The following HIVEP2 variants were observed in gnomAD, a reference collection of about 807,000 sequenced individuals.
The protein encoded by HIVEP2 is transcription factor HIVEP2.
A neutral mutation model predicts 180.7 loss-of-function variants in HIVEP2; 14 were observed. That is an observed-to-expected ratio of 0.08 (90% CI 0.05 to 0.12). HIVEP2 has a LOEUF of 0.12. Ranked by LOEUF, HIVEP2 falls within the 10% of genes least tolerant of loss-of-function variation. HIVEP2 has a pLI of 1.00. For synonymous variants in HIVEP2, 1,184 were observed against 1,136.4 expected, an observed-to-expected ratio of 1.04 and a Z score of -0.84; for missense variants, 2,579 against 3,008.5, an observed-to-expected ratio of 0.86 and a Z score of 3.34.
At chr6:142,893,669 A>C (rs1776914061) in intron 1 of HIVEP2, among the ~76,000 whole-genome samples, 1 of 152,236 alleles carries the variant, frequency 6.6e-6, no homozygotes, top group African/African-American at 2.4e-5. Flanking sequence ...AATGGCATGA[A>C]GAGCAGTGGG....
At chr6:142,778,411 C>T (rs1242151487) in intron 3 of HIVEP2, among the ~76,000 whole-genome samples, 1 of 152,070 alleles carries the variant, frequency 6.6e-6, no homozygotes, top group African/African-American at 2.4e-5. Context: ...TAAATAAATA[C>T]CCTCTAAAAT....
chr6:142,841,571 AT>A (rs1775365529), intron 1 of HIVEP2, among the ~76,000 whole-genome samples: 1 of 152,114 alleles, frequency 6.6e-6, no homozygotes, highest in South Asian at 2.1e-4. Context: ...GCATGAGTAT[AT>A]GTGGGAAATT....
intron 1 of HIVEP2, among the ~76,000 whole-genome samples, chr6:142,882,735 T>G (rs911672674): frequency 6.6e-6 from 1 of 152,152 alleles, no homozygotes; most frequent in Non-Finnish European, 1.5e-5. Context: ...ATTAGGAATC[T>G]TCCTAATTTT....
At chr6:142,816,520 G>A (rs1182343827) in intron 2 of HIVEP2, among the ~76,000 whole-genome samples, 1 of 152,060 alleles carries the variant, frequency 6.6e-6, no homozygotes, top group Non-Finnish European at 1.5e-5. Context: ...TTCTGAAGTC[G>A]CTTTGGATTT....
intron 2 of HIVEP2, among the ~76,000 whole-genome samples, chr6:142,792,737 T>TAATA (rs1170313818): frequency 6.6e-6 from 1 of 151,716 alleles, no homozygotes; most frequent in Non-Finnish European, 1.5e-5. Context: ...AAAATAAAAC[T>TAATA]AATAAATAAA....
intron 2 of HIVEP2, among the ~76,000 whole-genome samples, chr6:142,814,566 T>C (rs1382534547): frequency 6.6e-6 from 1 of 152,112 alleles, no homozygotes; most frequent in East Asian, 1.9e-4. Context: ...GAATCGGTTA[T>C]ATGTGTCAGT....
At chr6:142,827,322 A>G (rs936781968) in intron 2 of HIVEP2, among the ~76,000 whole-genome samples, 3 of 152,222 alleles carry the variant, frequency 2.0e-5, no homozygotes, top group African/African-American at 7.2e-5. Context: ...ATTTTTCTTT[A>G]ACAAGCTCTA....
At chr6:142,790,120 T>C (rs1031190357) in intron 2 of HIVEP2, among the ~76,000 whole-genome samples, 3 of 152,154 alleles carry the variant, frequency 2.0e-5, no homozygotes, top group Admixed American at 2.0e-4. Flanking sequence ...TATGAGACCA[T>C]CTTCCTAAAA....
chr6:142,816,878 G>A (rs1776852778), intron 2 of HIVEP2, among the ~76,000 whole-genome samples: 1 of 114,654 alleles, frequency 8.7e-6, no homozygotes, highest in African/African-American at 2.8e-5. Context: ...CAGAGGGTGT[G>A]TGTGTGTGTG....
At chr6:142,915,073 AT>A (rs1193397349) in intron 1 of HIVEP2, among the ~76,000 whole-genome samples, 2 of 152,212 alleles carry the variant, frequency 1.3e-5, no homozygotes, top group Non-Finnish European at 2.9e-5. Flanking sequence ...ACTGGACACA[AT>A]AATATTAAAA....
At chr6:142,899,104 G>A (rs1320293695) in intron 1 of HIVEP2, among the ~76,000 whole-genome samples, 1 of 152,128 alleles carries the variant, frequency 6.6e-6, no homozygotes, top group African/African-American at 2.4e-5. Context: ...TGACCTGGTC[G>A]TGGCCAAGCT....
At chr6:142,824,155 C>T (rs1777116703) in intron 2 of HIVEP2, among the ~76,000 whole-genome samples, 1 of 152,028 alleles carries the variant, frequency 6.6e-6, no homozygotes, top group Non-Finnish European at 1.5e-5. Context: ...TATATAATTG[C>T]TTTTTTGGAG....
intron 1 of HIVEP2, among the ~76,000 whole-genome samples, chr6:142,856,349 C>CT (rs921170940): frequency 1.3e-5 from 2 of 152,052 alleles, no homozygotes; most frequent in Non-Finnish European, 2.9e-5. Flanking sequence ...CCCCAAGACA[C>CT]TGAAGACTCA....
At chr6:142,940,213 T>C (rs972156522) in intron 1 of HIVEP2, among the ~76,000 whole-genome samples, 4 of 152,230 alleles carry the variant, frequency 2.6e-5, no homozygotes, top group African/African-American at 9.6e-5. Flanking sequence ...ATTAATTGAA[T>C]CAATGATGCT....
At position 142,940,921 on chromosome 6, in the gene HIVEP2, C is replaced by G. The variant is rs184082179; in HGVS notation, c.-641+4178G>C. On this transcript the variant is annotated intron_variant, in intron 1 of 9. Coordinates refer to ENST00000367603, the MANE Select transcript of HIVEP2 (RefSeq NM_006734.4). ...CTTTCTGCCGAGAATCACCCTCAGG[C>G]ACATAAACATCATGTTCATCTCTTC... Among the ~76,000 whole-genome samples the G allele has an allele frequency of 1.7e-4, 26 of 152,284 alleles. No homozygotes were observed. The East Asian group carries it at 4.6e-3, about 27-fold the overall frequency.
intron 2 of HIVEP2, among the ~76,000 whole-genome samples, chr6:142,795,970 G>C (rs1776268076): frequency 6.6e-6 from 1 of 152,082 alleles, no homozygotes; most frequent in African/African-American, 2.4e-5. Flanking sequence ...ATAAGAAGGG[G>C]ATAATAAAGG....
chr6:142,782,445 A>G (rs1358409074), intron 3 of HIVEP2, among the ~76,000 whole-genome samples: 3 of 152,224 alleles, frequency 2.0e-5, no homozygotes, highest in African/African-American at 7.2e-5. Flanking sequence ...AGGAACTACC[A>G]AGAAAGAAGG....
chr6:142,868,177 G>C (rs901781304), intron 1 of HIVEP2, among the ~76,000 whole-genome samples: 4 of 152,168 alleles, frequency 2.6e-5, no homozygotes, highest in Non-Finnish European at 5.9e-5. Flanking sequence ...CAGTCCAGCT[G>C]ATGATTGATG....
In HIVEP2 at chr6:142,894,040, G is replaced by A. The variant is rs909500997; in HGVS notation, c.-641+51059C>T. 2.6e-5 allele frequency among the ~76,000 whole-genome samples: 4 copies of A among 152,268 alleles called. No individual in the cohort carries two copies. The East Asian group carries it at 7.7e-4, about 29-fold the overall frequency. On this transcript the variant is annotated intron_variant, in intron 1 of 9. Coordinates refer to ENST00000367603, the MANE Select transcript of HIVEP2 (RefSeq NM_006734.4). ...TTAATCATCCTAACAACTGAGCAAGGTAGCTATGTGCCTGTTTCTCAGATG... is the reference window on the plus strand; with the variant it reads ...TTAATCATCCTAACAACTGAGCAAGATAGCTATGTGCCTGTTTCTCAGATG...
Sources: gnomAD v4.1 joint callset for allele counts (sites outside exome capture counted in the v4.1 genomes callset) on GRCh38, gnomAD v4.1.1 for gene constraint, MANE v1.5 for transcripts, NCBI Gene and HGNC (gene_info 2026-07-23, HGNC 2026-07-21) for gene names.